L3HYPDH: variants seen among roughly 807,000 people sequenced by gnomAD.
L3HYPDH encodes the protein trans-3-hydroxy-L-proline dehydratase.
Under a neutral mutation model 26.5 loss-of-function variants are expected in L3HYPDH, and 32 were observed. That is an observed-to-expected ratio of 1.21 (90% confidence interval 0.91 to 1.62). L3HYPDH has a LOEUF of 1.62. L3HYPDH is among the 40% of genes most tolerant of loss of function. The pLI is 0.00. For synonymous variants in L3HYPDH, 215 were observed against 196.6 expected, an observed-to-expected ratio of 1.09 and a Z score of -0.78; for missense variants, 554 against 476.4, an observed-to-expected ratio of 1.16 and a Z score of -1.52.
At chr14:59,495,209 A>G in the L3HYPDH span, 1 of 1,609,046 alleles carries the variant, frequency 6.2e-7, no homozygotes, top group Non-Finnish European at 8.5e-7. Flanking sequence ...TGTACTCATG[A>G]AGCCGTCTAC....
the L3HYPDH span, among the ~76,000 whole-genome samples, chr14:59,501,475 A>T: frequency 3.9e-5 from 6 of 152,188 alleles, no homozygotes; most frequent in Non-Finnish European, 5.9e-5. Context: ...CAAAATAGTG[A>T]AGTAGTCAGG....
At chr14:59,471,917 C>T (rs1175277343), downstream of L3HYPDH, among the ~76,000 whole-genome samples, 2 of 151,996 alleles carry the variant, frequency 1.3e-5, no homozygotes, top group Admixed American at 6.6e-5. Flanking sequence ...TTTTGTGTAA[C>T]AGAGAAATAA....
At chr14:59,484,821 C>CT, upstream of L3HYPDH, 1 of 967,450 alleles carries the variant, frequency 1.0e-6, no homozygotes, top group Non-Finnish European at 1.5e-6. Context: ...AATGCCAGGT[C>CT]TTTGTTGTTT....
rs1348008081 is a variant in L3HYPDH, at chr14:59,475,940, GA to G, written c.867del (p.Leu290TrpfsTer3). The G allele has an allele frequency of 6.2e-7, 1 of 1,613,816 alleles. No individual in the cohort carries two copies. Among genetic ancestry groups the G allele is most frequent in the African/African-American group, 1.3e-5 (1 of 74,926 alleles). ...ARIALQYHKG[L>X]LELNQMRAFK... ...AAGGCTCTCATCTGGTTCAGTTCCA[GA>G]AGCCCTTTGTGATACTGTAAGGCAA... On this transcript the variant is annotated frameshift_variant, in exon 4 of 5. Transcript: ENST00000247194. LOFTEE classifies it high-confidence loss of function.
At position 59,484,215 on chromosome 14, in the gene L3HYPDH, G is replaced by C; in HGVS notation, c.102C>G (p.Ile34Met). Residue 34 changes from isoleucine (I) to methionine (M), a missense_variant, in exon 1 of 5, where the codon ATC (isoleucine) becomes ATG (methionine). Ile to Met is a conservative substitution (Grantham distance 10). Transcript: ENST00000247194. ...DMHTGGEPLR[I>M]VLAGCPEVSG... ...ACACCTCCGGACACCCCGCCAGCACGATACGCAAGGGCTCGCCGCCCGTGT... is the reference window on the plus strand; with the variant it reads ...ACACCTCCGGACACCCCGCCAGCACCATACGCAAGGGCTCGCCGCCCGTGT... 6 of 1,598,704 alleles carry C rather than the reference G, an allele frequency of 3.8e-6. No individual in the cohort carries two copies. Among genetic ancestry groups the C allele is most frequent in the Non-Finnish European group, 5.1e-6 (6 of 1,179,726 alleles).
At chr14:59,488,040 C>G (rs1890713672), upstream of L3HYPDH, among the ~76,000 whole-genome samples, 1 of 152,130 alleles carries the variant, frequency 6.6e-6, no homozygotes, top group African/African-American at 2.4e-5. Flanking sequence ...CTGTTTTACT[C>G]TCAGTGATCT....
chr14:59,484,818 G>C (rs1346671063), upstream of L3HYPDH: 11 of 945,290 alleles, frequency 1.2e-5, no homozygotes, highest in South Asian at 1.7e-5. Context: ...CGAAATGCCA[G>C]GTCTTTGTTG....
chr14:59,498,018 A>G, the L3HYPDH span, among the ~76,000 whole-genome samples: 1 of 152,240 alleles, frequency 6.6e-6, no homozygotes, highest in Non-Finnish European at 1.5e-5. Context: ...CTGGTGACAC[A>G]TAGCTCTTTC....
intron 4 of L3HYPDH, among the ~76,000 whole-genome samples, chr14:59,474,028 T>TA (rs1479809898): frequency 6.6e-6 from 1 of 152,226 alleles, no homozygotes; most frequent in Non-Finnish European, 1.5e-5. Flanking sequence ...TTTTATGTTC[T>TA]AATTTTTAAA....
rs1890216455 is a variant in L3HYPDH at position 59,483,563 on chromosome 14, CG to C, written c.508+245del. On this transcript the variant is annotated intron_variant, in intron 1 of 4. Coordinates refer to ENST00000247194, the MANE Select transcript of L3HYPDH (RefSeq NM_144581.2). ...AGGGAGGCGCTGAGTCAGGGTAACACGCAATTCCTCGCTCCTCAAGGGTCTC... is the reference window on the plus strand; with the variant it reads ...AGGGAGGCGCTGAGTCAGGGTAACACCAATTCCTCGCTCCTCAAGGGTCTC... 4 of 1,414,008 alleles carry C rather than the reference CG, an allele frequency of 2.8e-6. No individual in the cohort carries two copies. The African/African-American group carries it at 4.4e-5, about 15-fold the overall frequency. The allele number at this position is 1,414,008 out of a possible 1,614,324, so 87.6% of individuals were successfully genotyped here.
At chr14:59,495,488 A>G in the L3HYPDH span, among the ~76,000 whole-genome samples, 1 of 152,182 alleles carries the variant, frequency 6.6e-6, no homozygotes, top group Admixed American at 6.5e-5. Context: ...TATAGGAGGC[A>G]CTTTATAGTA....
upstream of L3HYPDH, among the ~76,000 whole-genome samples, chr14:59,488,503 T>C (rs1890752200): frequency 6.6e-6 from 1 of 152,090 alleles, no homozygotes; most frequent in Non-Finnish European, 1.5e-5. Flanking sequence ...GCATGAATAA[T>C]GGCATAGAGG....
At chr14:59,500,134 A>C in the L3HYPDH span, among the ~76,000 whole-genome samples, 1 of 152,198 alleles carries the variant, frequency 6.6e-6, no homozygotes, top group East Asian at 1.9e-4. Flanking sequence ...TTATAAGTTA[A>C]GTAGAGTTTT....
At chr14:59,484,748 C>T, upstream of L3HYPDH, 2 of 1,053,310 alleles carry the variant, frequency 1.9e-6, no homozygotes, top group Non-Finnish European at 1.4e-6. Context: ...GCTCCGCACT[C>T]CTGCGGGGTT....
downstream of L3HYPDH, among the ~76,000 whole-genome samples, chr14:59,472,143 T>C (rs1594903563): frequency 6.6e-6 from 1 of 152,332 alleles, no homozygotes; most frequent in East Asian, 1.9e-4. Flanking sequence ...GCTTCAGCTA[T>C]TTTTAACAGG....
chr14:59,482,620 G>A (rs1304648948), intron 1 of L3HYPDH, among the ~76,000 whole-genome samples: 1 of 152,158 alleles, frequency 6.6e-6, no homozygotes, highest in Non-Finnish European at 1.5e-5. Context: ...CTCCCAGTCT[G>A]GAAGTGACAC....
chr14:59,493,963 GT>G, the L3HYPDH span, among the ~76,000 whole-genome samples: 2 of 152,144 alleles, frequency 1.3e-5, no homozygotes, highest in African/African-American at 4.8e-5. Flanking sequence ...GTGGGAAGGA[GT>G]ACCTGTTCAG....
At chr14:59,480,471 C>T (rs1889938211) in intron 1 of L3HYPDH, among the ~76,000 whole-genome samples, 1 of 152,186 alleles carries the variant, frequency 6.6e-6, no homozygotes, top group Non-Finnish European at 1.5e-5. Context: ...GGCCACAGCA[C>T]TTTTAAGAAA....
upstream of L3HYPDH, among the ~76,000 whole-genome samples, chr14:59,488,285 A>G (rs1890731153): frequency 6.6e-6 from 1 of 152,196 alleles, no homozygotes; most frequent in South Asian, 2.1e-4. Flanking sequence ...TTGGAAGATC[A>G]GGGAAGGAGA....
Sources: gnomAD v4.1 joint callset for allele counts (sites outside exome capture counted in the v4.1 genomes callset) on GRCh38, gnomAD v4.1.1 for gene constraint, MANE v1.5 for transcripts, NCBI Gene and HGNC (gene_info 2026-07-23, HGNC 2026-07-21) for gene names.